The following COP1 variants were observed in gnomAD, a reference collection of about 807,000 sequenced individuals.
The protein encoded by COP1 is COP1 E3 ubiquitin ligase.
A neutral mutation model predicts 101.3 loss-of-function variants in COP1; 24 were observed. That is an observed-to-expected ratio of 0.24 (90% CI 0.17 to 0.33). COP1 has a LOEUF of 0.33. Ranked by LOEUF, COP1 falls within the 10% of genes least tolerant of loss-of-function variation. COP1 has a pLI of 1.00. For synonymous variants in COP1, 347 were observed against 341.9 expected (o/e 1.01, Z -0.17); for missense variants, 663 against 906.2 (o/e 0.73, Z 3.45).
At chr1:175,978,303 A>G (rs1655037784) in intron 18 of COP1, among the ~76,000 whole-genome samples, 1 of 152,130 alleles carries the variant, frequency 6.6e-6, no homozygotes, top group Admixed American at 6.6e-5. Context: ...TATAAAAATG[A>G]TAATAATGAA....
intron 8 of COP1, 50 bp downstream of exon 8, chr1:176,134,960 G>T: frequency 7.4e-7 from 1 of 1,346,910 alleles, no homozygotes; most frequent in Non-Finnish European, 1.1e-6. Context: ...TAGACCATAT[G>T]CATACTTTGT....
intron 5 of COP1, among the ~76,000 whole-genome samples, chr1:176,160,636 A>G (rs953007157): frequency 1.3e-5 from 2 of 152,200 alleles, no homozygotes; most frequent in Non-Finnish European, 2.9e-5. Context: ...ACTTCTCAAA[A>G]GAAGACATTT....
intron 2 of COP1, among the ~76,000 whole-genome samples, chr1:176,176,686 G>A (rs1696984570): frequency 6.6e-6 from 1 of 152,042 alleles, no homozygotes; most frequent in Admixed American, 6.5e-5. Context: ...AGGCATGATA[G>A]CATATGCAGC....
At chr1:176,156,366 AAGG>A (rs1219309356) in intron 5 of COP1, among the ~76,000 whole-genome samples, 2 of 152,160 alleles carry the variant, frequency 1.3e-5, no homozygotes, top group African/African-American at 4.8e-5. Context: ...GGAGGCAAGA[AAGG>A]AGGAAGAAGT....
chr1:176,051,956 A>C (rs1672647827), intron 11 of COP1, among the ~76,000 whole-genome samples: 1 of 152,224 alleles, frequency 6.6e-6, no homozygotes, highest in South Asian at 2.1e-4. Flanking sequence ...AAAAGGTTAC[A>C]GTAAGCTAAG....
At chr1:176,178,096 T>C (rs1289307355) in intron 2 of COP1, among the ~76,000 whole-genome samples, 1 of 152,098 alleles carries the variant, frequency 6.6e-6, no homozygotes, top group East Asian at 1.9e-4. Flanking sequence ...TGACTGAAAA[T>C]TTCCTACATG....
chr1:176,157,533 A>G (rs533761250), intron 5 of COP1, among the ~76,000 whole-genome samples: 32 of 152,176 alleles, frequency 2.1e-4, no homozygotes, highest in Admixed American at 1.8e-3. Context: ...ACCAAGAAAT[A>G]TACATGCATC....
chr1:176,024,913 TTGA>T lies in COP1; in HGVS notation c.1729+2656_1729+2658del, dbSNP rs1198488962. Among the ~76,000 whole-genome samples, 3 of 152,212 alleles carry T rather than the reference TTGA, an allele frequency of 2.0e-5. No individual in the cohort carries two copies. In the East Asian group the frequency reaches 5.8e-4, roughly 29 times the overall value. On this transcript the variant is annotated intron_variant, in intron 15 of 19. Transcript: ENST00000367669. The stretch of plus-strand genomic sequence containing the variant: ...TTCTACACTGAAAATTACAAAACTA[TTGA>T]TGATAAAAATGGCAAAGATAGTTAA...
chr1:176,043,675 G>T (rs377195108), intron 13 of COP1, 35 bp downstream of exon 13: 1 of 1,157,182 alleles, frequency 8.6e-7, no homozygotes, highest in Non-Finnish European at 1.3e-6. Flanking sequence ...CCAAATGTAT[G>T]ATTCATATAA....
At chr1:176,057,589 G>A (rs375658171) in intron 11 of COP1, among the ~76,000 whole-genome samples, 2,608 of 152,228 alleles carry the variant, frequency 0.017, 73 homozygotes, top group African/African-American at 0.059. Context: ...CGCCAGCCTC[G>A]GCCTCCCGAG....
rs1657612409 is a variant in COP1 at position 175,988,380 on chromosome 1, A to G, written c.1880T>C (p.Val627Ala). Residue 627 changes from valine to alanine, a missense_variant, in exon 17 of 20, where the codon GTA becomes GCA. By Grantham distance (64) the Val-to-Ala change is moderately conservative (BLOSUM62 0). This residue lies in a region of COP1 where 209 missense variants were observed against 383.3 expected (regional missense o/e 0.55). Transcript: ENST00000367669. ...GGAACGTAGGCAGTATGGTTTCCCT[A>G]CATTCCACAGTTTTAGCTGACTGTC... ...STDSQLKLWN[V>A]GKPYCLRSFK... is the part of the protein sequence containing the mutation. The G allele has an allele frequency of 5.0e-6, 8 of 1,609,900 alleles. No individual in the cohort carries two copies. Among genetic ancestry groups the G allele is most frequent in the Non-Finnish European group, 6.8e-6 (8 of 1,177,174 alleles).
chr1:176,111,960 C>T (rs1383138630), intron 9 of COP1, among the ~76,000 whole-genome samples: 1 of 152,206 alleles, frequency 6.6e-6, no homozygotes, highest in East Asian at 1.9e-4. Context: ...TAAGAATTCT[C>T]CTGGCAGACC....
intron 15 of COP1, among the ~76,000 whole-genome samples, chr1:175,996,829 T>C (rs1294974136): frequency 1.3e-5 from 2 of 152,196 alleles, no homozygotes; most frequent in South Asian, 4.2e-4. Context: ...CTGCCCAAGG[T>C]AATTTATAGA....
rs150764816 is a variant in COP1, at chr1:176,130,068, C to T, written c.968+4942G>A. Among the ~76,000 whole-genome samples the T allele has an allele frequency of 3.9e-3, 591 of 151,734 alleles. 4 individuals are homozygous for T. Among genetic ancestry groups the T allele is most frequent in the African/African-American group, 9.6e-3 (400 of 41,494 alleles). On this transcript the variant is annotated intron_variant, in intron 8 of 19. Coordinates refer to ENST00000367669, the MANE Select transcript of COP1 (RefSeq NM_022457.7). ...AATCCACATTTGTTAATCCATATAA[C>T]GTCCACCCAGTTTACCGCTCTCAAA...
intron 6 of COP1, among the ~76,000 whole-genome samples, chr1:176,143,637 C>T (rs1424471149): frequency 1.3e-5 from 2 of 151,904 alleles, no homozygotes; most frequent in African/African-American, 2.4e-5. Flanking sequence ...AGAGAATATA[C>T]ATAACGGCCA....
intron 15 of COP1, among the ~76,000 whole-genome samples, chr1:176,004,853 G>T (rs796903143): frequency 2.0e-5 from 3 of 151,658 alleles, no homozygotes; most frequent in African/African-American, 7.3e-5. Context: ...GTGTCAGCAT[G>T]ATGCTGGCCT....
In COP1 at chr1:175,983,904, T is replaced by G. The variant is rs189803717; in HGVS notation, c.2133+3039A>C. ...CTTGAGAGAGATGAGTTAGGGTATC[T>G]GGTAGAATAAATTTCTAAGCAGCAA... On this transcript the variant is annotated intron_variant, in intron 18 of 19. Coordinates refer to ENST00000367669, the MANE Select transcript of COP1 (RefSeq NM_022457.7). Among the ~76,000 whole-genome samples, 257 of 152,288 alleles carry G rather than the reference T, an allele frequency of 1.7e-3. 1 individual carries two copies. The highest frequency in any genetic ancestry group is 5.9e-3 in the African/African-American group (246 of 41,540).
chr1:176,199,039 C>T (rs1033149725), intron 1 of COP1, among the ~76,000 whole-genome samples: 2 of 151,948 alleles, frequency 1.3e-5, no homozygotes, highest in South Asian at 2.1e-4. Flanking sequence ...AAATGGTGGC[C>T]GGGTGTGGTG....
intron 8 of COP1, among the ~76,000 whole-genome samples, chr1:176,127,360 A>C (rs1688169316): frequency 6.6e-6 from 1 of 151,844 alleles, no homozygotes. Flanking sequence ...CTCCCCATCC[A>C]CCTCTAATCT....
Sources: gnomAD v4.1 joint callset for allele counts (sites outside exome capture counted in the v4.1 genomes callset) on GRCh38, gnomAD v4.1.1 for gene constraint, gnomAD v4.1.1 regional missense constraint, MANE v1.5 for transcripts, NCBI Gene and HGNC (gene_info 2026-07-23, HGNC 2026-07-21) for gene names.